The following KIF5C variants were observed in gnomAD, a reference collection of about 807,000 sequenced individuals.
KIF5C encodes kinesin heavy chain isoform 5C.
A neutral mutation model predicts 125.2 loss-of-function variants in KIF5C; 18 were observed. The observed-to-expected ratio is 0.14, with a 90% CI of 0.10 to 0.21. KIF5C has a LOEUF of 0.21. Among genes scored for constraint, KIF5C ranks in the 10% least tolerant of loss-of-function variants. The probability of loss-of-function intolerance (pLI) is 1.00; values close to 1 mark genes in which losing one functional copy is unlikely to be tolerated. For missense variants in KIF5C, 780 were observed against 1,183.8 expected (o/e 0.66, Z 5.01); for synonymous variants, 405 against 434.0 (o/e 0.93, Z 0.83).
At chr2:148,941,467 G>C (rs1348621082) in intron 4 of KIF5C, 143 bp from the exon 5 acceptor site, 2 of 1,140,664 alleles carry the variant, frequency 1.8e-6, no homozygotes, top group Non-Finnish European at 2.5e-6. Flanking sequence ...CAGTAGAGCT[G>C]GCCAGATTTT....
Position 148,875,504 on chromosome 2 carries a change from G to C in KIF5C, c.-114G>C. On this transcript the variant is annotated 5_prime_UTR_variant, in exon 1 of 26. Coordinates refer to ENST00000435030, the MANE Select transcript of KIF5C (RefSeq NM_004522.3). ...GATGACCTGCTGAGAAGCGTCGTCG[G>C]AGGCTGCAGGAGGCGGCCTAGCTGT... 1.2e-6 allele frequency: 1 copy of C among 846,888 alleles called. No homozygotes were observed. Among genetic ancestry groups the C allele is most frequent in the Non-Finnish European group, 1.9e-6 (1 of 531,522 alleles). 52.5% of individuals were successfully genotyped at this position (846,888 alleles called of 1,614,324 possible).
At chr2:148,983,923 C>CT (rs1321994516) in intron 15 of KIF5C, among the ~76,000 whole-genome samples, 157 bp downstream of exon 15, 1 of 152,192 alleles carries the variant, frequency 6.6e-6, no homozygotes, top group African/African-American at 2.4e-5. Context: ...AATTGAATGA[C>CT]TGAGTGAATT....
At chr2:148,918,533 A>G (rs1681652376) in intron 1 of KIF5C, among the ~76,000 whole-genome samples, 4 of 152,238 alleles carry the variant, frequency 2.6e-5, no homozygotes, top group Admixed American at 2.0e-4. Context: ...TCAGGGAAGG[A>G]GAAATTTGAA....
rs909627562 is a variant in KIF5C at position 149,021,395 on chromosome 2, G to A, written c.*8-1683G>A. Among the ~76,000 whole-genome samples, 5 of 151,046 alleles carry A rather than the reference G, an allele frequency of 3.3e-5. No individual in the cohort carries two copies. In the East Asian group the frequency reaches 7.7e-4, roughly 23 times the overall value. On this transcript the variant is annotated intron_variant, in intron 25 of 25. Coordinates refer to ENST00000435030, the MANE Select transcript of KIF5C (RefSeq NM_004522.3). ...GAGGTGGTATTTTTAAAAAGAATGT[G>A]TTGTTCTGTTTTTTTTTTTCTATTC...
intron 1 of KIF5C, among the ~76,000 whole-genome samples, chr2:148,919,490 A>C (rs1681696698): frequency 6.6e-6 from 1 of 152,204 alleles, no homozygotes; most frequent in Admixed American, 6.5e-5. Context: ...GGCCCAGTGC[A>C]TGCCTGGAGA....
intron 2 of KIF5C, among the ~76,000 whole-genome samples, chr2:148,926,090 T>C (rs913678581): frequency 3.3e-5 from 5 of 152,160 alleles, no homozygotes; most frequent in Non-Finnish European, 7.4e-5. Context: ...CATGCCTCCG[T>C]AGGACTACTG....
At chr2:148,928,580 A>C (rs1682091420) in intron 2 of KIF5C, among the ~76,000 whole-genome samples, 1 of 152,168 alleles carries the variant, frequency 6.6e-6, no homozygotes, top group Non-Finnish European at 1.5e-5. Context: ...ACCGACCTGC[A>C]GTGTGGAGGG....
intron 12 of KIF5C, among the ~76,000 whole-genome samples, chr2:148,975,275 T>C (rs185259905): frequency 1.3e-5 from 2 of 152,298 alleles, no homozygotes; most frequent in African/African-American, 4.8e-5. Context: ...TCTTACCAAC[T>C]GTCATTCTTA....
At chr2:149,001,789 T>C (rs991108538) in intron 21 of KIF5C, among the ~76,000 whole-genome samples, 5 of 152,150 alleles carry the variant, frequency 3.3e-5, no homozygotes, top group Non-Finnish European at 7.3e-5. Flanking sequence ...AGAGAAACCG[T>C]TGGTTAGATA....
At chr2:148,899,073 T>C (rs1465820639) in intron 1 of KIF5C, among the ~76,000 whole-genome samples, 1 of 152,216 alleles carries the variant, frequency 6.6e-6, no homozygotes, top group Admixed American at 6.5e-5. Context: ...TAATCTCTGC[T>C]AAAATAAGAA....
At chr2:148,913,529 G>A (rs748361619) in intron 1 of KIF5C, among the ~76,000 whole-genome samples, 3 of 152,224 alleles carry the variant, frequency 2.0e-5, no homozygotes, top group Non-Finnish European at 2.9e-5. Context: ...TATTTGCAGT[G>A]TTTTTCAGAA....
At chr2:148,945,949 A>G (rs1409391526) in intron 7 of KIF5C, among the ~76,000 whole-genome samples, 1 of 152,112 alleles carries the variant, frequency 6.6e-6, no homozygotes, top group South Asian at 2.1e-4. Flanking sequence ...CTTTCAATCA[A>G]TCCCTTTATT....
intron 13 of KIF5C, 116 bp from the exon 14 acceptor site, chr2:148,981,239 C>CA (rs1364521053): frequency 7.7e-6 from 11 of 1,420,008 alleles, no homozygotes; most frequent in Non-Finnish European, 1.0e-5. Context: ...TCATCCTGAA[C>CA]TTTTTCAACT....
intron 1 of KIF5C, among the ~76,000 whole-genome samples, chr2:148,910,202 G>A (rs1052422658): frequency 1.3e-5 from 2 of 152,130 alleles, no homozygotes; most frequent in African/African-American, 4.8e-5. Context: ...CTATAAAAGG[G>A]TAAGATAAGT....
intron 1 of KIF5C, chr2:148,883,801 T>C (rs529775712): frequency 6.6e-6 from 1 of 152,272 alleles, no homozygotes; most frequent in African/African-American, 2.4e-5. Flanking sequence ...GGTTTTTTTT[T>C]CCTATTATAA....
chr2:149,004,544 G>A (rs994763418), intron 21 of KIF5C, among the ~76,000 whole-genome samples: 1 of 152,104 alleles, frequency 6.6e-6, no homozygotes, highest in African/African-American at 2.4e-5. Context: ...GGTTTCATTT[G>A]TAGAAAATAA....
chr2:149,011,715 C>G (rs757367658), intron 25 of KIF5C, 32 bp downstream of exon 25: 1 of 1,613,386 alleles, frequency 6.2e-7, no homozygotes, highest in Non-Finnish European at 8.5e-7. Flanking sequence ...GTTTCTCTAT[C>G]TGGAGGCAGA....
intron 25 of KIF5C, among the ~76,000 whole-genome samples, chr2:149,017,630 A>C (rs541702282): frequency 6.6e-6 from 1 of 152,336 alleles, no homozygotes; most frequent in African/African-American, 2.4e-5. Flanking sequence ...TGAAAGACGG[A>C]AGGCAGAATG....
At chr2:148,910,344 C>T (rs1452747655) in intron 1 of KIF5C, among the ~76,000 whole-genome samples, 2 of 152,202 alleles carry the variant, frequency 1.3e-5, no homozygotes, top group Non-Finnish European at 2.9e-5. Flanking sequence ...CTGTGCAAGC[C>T]ATGGACATCT....
Sources: gnomAD v4.1 joint callset for allele counts (sites outside exome capture counted in the v4.1 genomes callset) on GRCh38, gnomAD v4.1.1 for gene constraint, MANE v1.5 for transcripts, NCBI Gene and HGNC (gene_info 2026-07-23, HGNC 2026-07-21) for gene names.